FAM120B: variants seen among roughly 807,000 people sequenced by gnomAD.
The protein encoded by FAM120B is family with sequence similarity 120 member B.
FAM120B carries 83 observed loss-of-function variants against 96.3 expected under a neutral mutation model. That is an observed-to-expected ratio of 0.86 (90% CI 0.72 to 1.03). FAM120B has a LOEUF of 1.03. Among genes scored for constraint, FAM120B ranks in the 50% least tolerant of loss-of-function variants. The probability of loss-of-function intolerance (pLI) is 0.00; values close to 1 mark genes in which losing one functional copy is unlikely to be tolerated. For missense variants in FAM120B, 1,027 were observed against 1,121.2 expected (o/e 0.92, Z 1.20); for synonymous variants, 407 against 402.7 (o/e 1.01, Z -0.13).
intron 1 of FAM120B, among the ~76,000 whole-genome samples, chr6:170,301,164 T>A (rs1317896816): frequency 6.6e-6 from 1 of 152,220 alleles, no homozygotes; most frequent in Non-Finnish European, 1.5e-5. Context: ...TTTCCATACA[T>A]CCTCTGAAAT....
chr6:170,402,848 G>A (rs1778658088), intron 9 of FAM120B, among the ~76,000 whole-genome samples: 1 of 152,206 alleles, frequency 6.6e-6, no homozygotes, highest in Non-Finnish European at 1.5e-5. Flanking sequence ...GACCTCAGCA[G>A]CTGGAGCCTA....
intron 1 of FAM120B, among the ~76,000 whole-genome samples, chr6:170,298,802 A>C (rs1784079744): frequency 6.6e-6 from 1 of 152,214 alleles, no homozygotes; most frequent in Non-Finnish European, 1.5e-5. Context: ...ATTGTGTTAG[A>C]AAGTACCACC....
chr6:170,290,907 C>T, upstream of FAM120B: 1 of 694,908 alleles, frequency 1.4e-6, no homozygotes, highest in Non-Finnish European at 2.6e-6. The surrounding 1 kb of genome is among the most constrained non-coding windows in gnomAD (Gnocchi z 4.7). Flanking sequence ...GTCGGGTCTC[C>T]GCGGGTGCGC....
chr6:170,326,353 C>T (rs1309071468), intron 3 of FAM120B, among the ~76,000 whole-genome samples: 1 of 152,214 alleles, frequency 6.6e-6, no homozygotes, highest in Admixed American at 6.5e-5. Flanking sequence ...TTAGCACTCC[C>T]TCCATGTGCC....
At chr6:170,296,067 G>A (rs889778051) in intron 1 of FAM120B, among the ~76,000 whole-genome samples, 1 of 152,150 alleles carries the variant, frequency 6.6e-6, no homozygotes, top group African/African-American at 2.4e-5. Context: ...GACAAAGCGC[G>A]TGTTTACCTG....
chr6:170,375,171 CTG>C (rs1245015550), intron 6 of FAM120B, among the ~76,000 whole-genome samples: 1 of 152,228 alleles, frequency 6.6e-6, no homozygotes, highest in East Asian at 1.9e-4. Context: ...TAGGTCCAAT[CTG>C]TGGTTGTTGC....
At chr6:170,382,733 A>AG (rs1442134689) in intron 6 of FAM120B, among the ~76,000 whole-genome samples, 2 of 152,344 alleles carry the variant, frequency 1.3e-5, no homozygotes, top group Admixed American at 1.3e-4. Context: ...ACTGATGTAC[A>AG]GGTTTGATGT....
At chr6:170,339,243 A>G (rs954456373) in intron 4 of FAM120B, among the ~76,000 whole-genome samples, 3 of 152,054 alleles carry the variant, frequency 2.0e-5, no homozygotes, top group Non-Finnish European at 2.9e-5. Flanking sequence ...TTGTCTGTAA[A>G]GGATTTTATT....
At chr6:170,381,863 T>C (rs1373662133) in intron 6 of FAM120B, among the ~76,000 whole-genome samples, 2 of 151,692 alleles carry the variant, frequency 1.3e-5, no homozygotes, top group East Asian at 3.9e-4. Context: ...CTCAACTTGA[T>C]AAAGAACATC....
intron 1 of FAM120B, among the ~76,000 whole-genome samples, chr6:170,314,386 C>T (rs1784770975): frequency 6.6e-6 from 1 of 152,216 alleles, no homozygotes; most frequent in Non-Finnish European, 1.5e-5. Flanking sequence ...GGGCCTGTCC[C>T]ATGCAGATGT....
At position 170,358,311 on chromosome 6, in the gene FAM120B, A is replaced by G. The variant is rs1788107712; in HGVS notation, c.2276A>G (p.Asn759Ser). 2 of 1,603,650 alleles carry G rather than the reference A, an allele frequency of 1.2e-6. No individual in the cohort carries two copies. The highest frequency in any genetic ancestry group is 1.7e-6 in the Non-Finnish European group (2 of 1,173,022). The change falls in exon 6 of 11, where the codon AAT becomes AGT. Residue 759 changes from asparagine to serine, a missense_variant. This residue lies in a region of FAM120B where 880 missense variants were observed against 980.9 expected (regional missense o/e 0.90). Coordinates refer to ENST00000476287, the MANE Select transcript of FAM120B (RefSeq NM_032448.3). Reference protein sequence around the residue: ...LQGKSTSQLVNLQPDYINPRA... With the variant: ...LQGKSTSQLVSLQPDYINPRA... Reference sequence around the variant, plus strand: ...GGAAAATCCACCTCGCAGCTTGTAAATCTACAGGTACAGACGTGACCAGTT... The same window carrying G: ...GGAAAATCCACCTCGCAGCTTGTAAGTCTACAGGTACAGACGTGACCAGTT...
chr6:170,384,957 G>A (rs1487644985), intron 6 of FAM120B, among the ~76,000 whole-genome samples: 9 of 152,286 alleles, frequency 5.9e-5, no homozygotes, highest in African/African-American at 1.9e-4. Flanking sequence ...GTATGGATTC[G>A]AATTGTTGAA....
rs1327592411 is a variant in FAM120B, at chr6:170,406,586, A to G, written c.*1835A>G. On this transcript the variant is annotated 3_prime_UTR_variant, in exon 11 of 11. Transcript: ENST00000476287. ...AACCGCTCCCTTCGGTTTCTTCTTAAGAACATTTACATCTAATTATTTTTC... is the reference window on the plus strand; with the variant it reads ...AACCGCTCCCTTCGGTTTCTTCTTAGGAACATTTACATCTAATTATTTTTC... 1 of 152,222 alleles carries G rather than the reference A, an allele frequency of 6.6e-6. No homozygotes were observed. The highest frequency in any genetic ancestry group is 1.5e-5 in the Non-Finnish European group (1 of 68,040). The allele number at this position is 152,222 out of a possible 1,614,324, so 9.4% of individuals were successfully genotyped here. A position where few individuals can be genotyped will look rare whatever the true frequency, so the allele number is the denominator to read the frequency against.
rs1228238985 is a variant in FAM120B at position 170,363,723 on chromosome 6, C to T, written c.2283+5405C>T. On this transcript the variant is annotated intron_variant, in intron 6 of 10. Coordinates refer to ENST00000476287, the MANE Select transcript of FAM120B (RefSeq NM_032448.3). This position sits in a 1 kb window ranked among gnomAD's most constrained non-coding sequence, Gnocchi z 4.5. Reference sequence around the variant, plus strand: ...TGTGCACCAGCGAAACATGGCATTCCTACAGTGAGATTATATCAAGAAAGC... The same window carrying T: ...TGTGCACCAGCGAAACATGGCATTCTTACAGTGAGATTATATCAAGAAAGC... Among the ~76,000 whole-genome samples, 2 of 152,204 alleles carry T rather than the reference C, an allele frequency of 1.3e-5. No homozygotes were observed. The highest frequency in any genetic ancestry group is 1.9e-4 in the East Asian group (1 of 5,202).
chr6:170,322,827 G>T lies in FAM120B; in HGVS notation c.1735-252G>T, dbSNP rs1583198744. ...TTACTGGGAGGTTATCAAGGAGACAGAACAGTGAGATACTGCAGAAGATAA... is the reference window on the plus strand; with the variant it reads ...TTACTGGGAGGTTATCAAGGAGACATAACAGTGAGATACTGCAGAAGATAA... On this transcript the variant is annotated intron_variant, in intron 2 of 10. Transcript: ENST00000476287. Among the ~76,000 whole-genome samples the T allele has an allele frequency of 3.3e-5, 5 of 152,200 alleles. No homozygotes were observed. In the South Asian group the frequency reaches 8.3e-4, roughly 25 times the overall value.
chr6:170,400,876 C>A (rs952272707), intron 9 of FAM120B, among the ~76,000 whole-genome samples: 5 of 152,174 alleles, frequency 3.3e-5, no homozygotes, highest in African/African-American at 4.8e-5. Flanking sequence ...AGGGCTCCCC[C>A]AGAGCATGGC....
At chr6:170,292,097 C>T (rs962634368), upstream of FAM120B, among the ~76,000 whole-genome samples, 46 of 152,176 alleles carry the variant, frequency 3.0e-4, no homozygotes, top group African/African-American at 1.1e-3. This position sits in a 1 kb window ranked among gnomAD's most constrained non-coding sequence, Gnocchi z 6.6. Flanking sequence ...AAGAGCTCCC[C>T]TCCGCGCGCG....
At chr6:170,386,104 C>A (rs895515812) in intron 6 of FAM120B, among the ~76,000 whole-genome samples, 12 of 152,062 alleles carry the variant, frequency 7.9e-5, no homozygotes, top group Admixed American at 2.6e-4. Flanking sequence ...AGAGTGAACC[C>A]TCGTGTCAAC....
At chr6:170,302,300 A>G (rs1239656995), upstream of FAM120B, among the ~76,000 whole-genome samples, 8 of 152,182 alleles carry the variant, frequency 5.3e-5, no homozygotes, top group Admixed American at 5.2e-4. Context: ...TGAGAACTCA[A>G]TCACTATCAA....
Sources: gnomAD v4.1 joint callset for allele counts (sites outside exome capture counted in the v4.1 genomes callset) on GRCh38, gnomAD v4.1.1 for gene constraint, gnomAD v4.1.1 regional missense constraint, Gnocchi (gnomAD v3.1) non-coding constraint, MANE v1.5 for transcripts, NCBI Gene and HGNC (gene_info 2026-07-23, HGNC 2026-07-21) for gene names.